The following FAM120A variants were observed in gnomAD, a reference collection of about 807,000 sequenced individuals.
FAM120A encodes constitutive coactivator of PPAR-gamma-like protein 1.
FAM120A carries 15 observed loss-of-function variants against 109.7 expected under a neutral mutation model. The observed-to-expected ratio is 0.14, with a 90% confidence interval of 0.09 to 0.21. The LOEUF (loss-of-function observed/expected upper bound fraction) is 0.21, where lower values mean the gene tolerates loss of function less well. Ranked by LOEUF, FAM120A falls within the 10% of genes least tolerant of loss-of-function variation. The probability of loss-of-function intolerance (pLI) is 1.00; values close to 1 mark genes in which losing one functional copy is unlikely to be tolerated. For missense variants in FAM120A, 899 were observed against 1,439.3 expected, an observed-to-expected ratio of 0.62 and a Z score of 6.07; for synonymous variants, 493 against 572.8, an observed-to-expected ratio of 0.86 and a Z score of 1.99.
intron 13 of FAM120A, among the ~76,000 whole-genome samples, chr9:93,556,899 A>G (rs1373797056): frequency 6.6e-6 from 1 of 152,198 alleles, no homozygotes; most frequent in Non-Finnish European, 1.5e-5. Flanking sequence ...CTCTGGTCAC[A>G]TATTTTTGTT....
At chr9:93,508,229 C>T (rs1191320870) in intron 5 of FAM120A, among the ~76,000 whole-genome samples, 2 of 152,102 alleles carry the variant, frequency 1.3e-5, no homozygotes, top group Non-Finnish European at 1.5e-5. Context: ...GCAAATAGGA[C>T]CATGTTGAAA....
At chr9:93,511,703 A>G (rs1860329607) in intron 5 of FAM120A, among the ~76,000 whole-genome samples, 1 of 152,254 alleles carries the variant, frequency 6.6e-6, no homozygotes, top group African/African-American at 2.4e-5. Context: ...TAAAGGTGGT[A>G]GGGATTATAT....
chr9:93,459,996 A>G (rs1209088862), intron 1 of FAM120A, among the ~76,000 whole-genome samples: 1 of 152,196 alleles, frequency 6.6e-6, no homozygotes, highest in Non-Finnish European at 1.5e-5. Flanking sequence ...CAAAACTACA[A>G]CTTAATTTTC....
At chr9:93,520,410 A>G (rs1275467031) in intron 7 of FAM120A, among the ~76,000 whole-genome samples, 1 of 152,252 alleles carries the variant, frequency 6.6e-6, no homozygotes, top group African/African-American at 2.4e-5. Flanking sequence ...GCAGCCATCA[A>G]GAAACATAAA....
chr9:93,452,885 C>T lies in FAM120A; in HGVS notation c.474+496C>T, dbSNP rs1485725158. On this transcript the variant is annotated intron_variant, in intron 1 of 17. Coordinates refer to ENST00000277165, the MANE Select transcript of FAM120A (RefSeq NM_014612.5). This position sits in a 1 kb window ranked among gnomAD's most constrained non-coding sequence, Gnocchi z 7.0. The stretch of plus-strand genomic sequence containing the variant: ...GCTGCAAATATCAGTGCTGCTGCCG[C>T]CGCCCTTGCCAATGTTGTTAGCCCG... 2 of 1,446,854 alleles carry T rather than the reference C, an allele frequency of 1.4e-6. No individual in the cohort carries two copies. The highest frequency in any genetic ancestry group is 9.0e-7 in the Non-Finnish European group (1 of 1,108,296). The allele number at this position is 1,446,854 out of a possible 1,614,324, so 89.6% of individuals were successfully genotyped here.
intron 1 of FAM120A, among the ~76,000 whole-genome samples, chr9:93,467,255 C>G (rs370648817): frequency 8.8e-6 from 1 of 113,096 alleles, no homozygotes; most frequent in Non-Finnish European, 2.1e-5. Flanking sequence ...CACCCCCCCC[C>G]CCCTTTTCCC....
At chr9:93,529,921 G>A in intron 9 of FAM120A, 1 of 519,822 alleles carries the variant, frequency 1.9e-6, no homozygotes, top group Non-Finnish European at 3.4e-6. Context: ...GTGCTGTAAT[G>A]TCAGGTTTAA....
intron 15 of FAM120A, among the ~76,000 whole-genome samples, 155 bp from the exon 16 acceptor site, chr9:93,560,954 A>C (rs948820232): frequency 6.6e-6 from 1 of 152,270 alleles, no homozygotes; most frequent in Non-Finnish European, 1.5e-5. Context: ...GTGCACATAG[A>C]TACACTACAT....
chr9:93,543,944 A>G (rs1306596764), intron 11 of FAM120A, among the ~76,000 whole-genome samples: 2 of 152,228 alleles, frequency 1.3e-5, no homozygotes, highest in African/African-American at 4.8e-5. Context: ...AACATCATAG[A>G]GTATATACAA....
intron 7 of FAM120A, among the ~76,000 whole-genome samples, chr9:93,523,744 G>A (rs558523426): frequency 5.3e-4 from 81 of 152,330 alleles, no homozygotes; most frequent in African/African-American, 1.9e-3. Flanking sequence ...ACAAGGCTGT[G>A]AAAGAAGTTT....
intron 10 of FAM120A, among the ~76,000 whole-genome samples, chr9:93,537,328 A>C (rs1395622280): frequency 6.6e-6 from 1 of 152,202 alleles, no homozygotes; most frequent in Non-Finnish European, 1.5e-5. Context: ...AAAGGCCTAC[A>C]TTTTAAAAGA....
intron 5 of FAM120A, among the ~76,000 whole-genome samples, chr9:93,510,024 A>G (rs1263687701): frequency 6.6e-6 from 1 of 152,222 alleles, no homozygotes; most frequent in Non-Finnish European, 1.5e-5. Context: ...GCTAATGCAG[A>G]TGACGTTGAT....
rs533243819 is a variant in FAM120A, at chr9:93,529,361, C to T, written c.1515C>T (p.Gly505=). 6.2e-7 allele frequency: 1 copy of T among 1,603,608 alleles called. No homozygotes were observed. Among genetic ancestry groups the T allele is most frequent in the Non-Finnish European group, 8.5e-7 (1 of 1,175,042 alleles). Reference sequence around the variant, plus strand: ...TGCTCTCTGCACTGTAGGCAGAAGGCTCGTCCACTGCCTCTTCAGGAAGCC... The same window carrying T: ...TGCTCTCTGCACTGTAGGCAGAAGGTTCGTCCACTGCCTCTTCAGGAAGCC... ...GDPGDQTKAE[G]SSTASSGSQL... is the part of the protein sequence containing the mutation. Residue 505 remains glycine (G), a synonymous_variant, in exon 9 of 18, where the codon GGC becomes GGT. Coordinates refer to ENST00000277165, the MANE Select transcript of FAM120A (RefSeq NM_014612.5).
At chr9:93,490,393 G>A (rs1365884123) in intron 3 of FAM120A, among the ~76,000 whole-genome samples, 1 of 152,142 alleles carries the variant, frequency 6.6e-6, no homozygotes, top group Non-Finnish European at 1.5e-5. Context: ...ATGACCAAGT[G>A]GATTTTAGAG....
chr9:93,453,581 T>G (rs928635922), intron 1 of FAM120A: 3 of 985,300 alleles, frequency 3.0e-6, no homozygotes, highest in Non-Finnish European at 3.6e-6. Context: ...TAGTTAAGCC[T>G]AAAATGATAG....
chr9:93,500,070 C>T lies in FAM120A; in HGVS notation c.1030+1184C>T, dbSNP rs1859735064. On this transcript the variant is annotated intron_variant, in intron 5 of 17. Transcript: ENST00000277165. This position sits in a 1 kb window ranked among gnomAD's most constrained non-coding sequence, Gnocchi z 4.6. ...GATGGGCATGGAGTGGCTGAATCTC[C>T]ACTGCGAGGTCAGTAAATGGCAGCA... Among the ~76,000 whole-genome samples, 1 of 152,202 alleles carries T rather than the reference C, an allele frequency of 6.6e-6. No homozygotes were observed. Among genetic ancestry groups the T allele is most frequent in the African/African-American group, 2.4e-5 (1 of 41,462 alleles).
At chr9:93,562,145 C>G in intron 16 of FAM120A, 63 bp from the exon 17 acceptor site, 1 of 1,287,728 alleles carries the variant, frequency 7.8e-7, no homozygotes, top group Non-Finnish European at 1.1e-6. Flanking sequence ...TCATTTGATA[C>G]TATTTTAAAT....
intron 5 of FAM120A, among the ~76,000 whole-genome samples, chr9:93,509,685 G>T (rs1860225880): frequency 6.6e-6 from 1 of 151,996 alleles, no homozygotes; most frequent in African/African-American, 2.4e-5. Flanking sequence ...CCCTTTCTTA[G>T]ATTTTTACTA....
Position 93,513,843 on chromosome 9 carries a change from G to A in FAM120A, c.1031-1824G>A, listed in dbSNP as rs1409228176. Among the ~76,000 whole-genome samples, 4 of 152,316 alleles carry A rather than the reference G, an allele frequency of 2.6e-5. No individual in the cohort carries two copies. The East Asian group carries it at 7.7e-4, about 29-fold the overall frequency. ...TCACCACGCCCAGTGTTGGCTTAGG[G>A]AACCTCTTGTGAATGCAGCCATGGA... On this transcript the variant is annotated intron_variant, in intron 5 of 17. Transcript: ENST00000277165.
Sources: allele counts gnomAD v4.1 joint callset (sites outside exome capture counted in the v4.1 genomes callset), GRCh38; gene constraint gnomAD v4.1.1; non-coding constraint Gnocchi (gnomAD v3.1); transcripts MANE v1.5; gene names NCBI Gene and HGNC (gene_info 2026-07-23, HGNC 2026-07-21).